Variants in DNAJC15 observed in about 807,000 individuals in gnomAD.
The protein encoded by DNAJC15 is DnaJ heat shock protein family (Hsp40) member C15.
Under a neutral mutation model 22.4 loss-of-function variants are expected in DNAJC15, and 27 were observed. The ratio of observed to expected loss-of-function variants is 1.20; its 90% CI spans 0.89 to 1.66. DNAJC15 has a LOEUF of 1.66. Ranked by LOEUF, DNAJC15 falls within the 40% of genes most tolerant of loss-of-function variation. The pLI, the probability that DNAJC15 is intolerant of heterozygous loss-of-function variation, is 0.00. For missense variants in DNAJC15, 208 were observed against 187.1 expected, an observed-to-expected ratio of 1.11 and a Z score of -0.65; for synonymous variants, 79 against 63.2, an observed-to-expected ratio of 1.25 and a Z score of -1.19.
chr13:43,027,813 C>T (rs545168164), intron 1 of DNAJC15, among the ~76,000 whole-genome samples: 128 of 152,206 alleles, frequency 8.4e-4, no homozygotes, highest in Middle Eastern at 3.4e-3. Flanking sequence ...CCTGCCACCA[C>T]GCCCAGCTAA....
intron 4 of DNAJC15, among the ~76,000 whole-genome samples, 187 bp from the exon 5 acceptor site, chr13:43,085,581 C>T (rs1241957331): frequency 6.6e-6 from 1 of 152,120 alleles, no homozygotes; most frequent in African/African-American, 2.4e-5. Context: ...AAGAAAAACA[C>T]ATGTAACATT....
Position 43,044,631 on chromosome 13 carries a change from G to T in DNAJC15, c.108+20897G>T, listed in dbSNP as rs188875149. 2.5e-3 allele frequency among the ~76,000 whole-genome samples: 382 copies of T among 152,032 alleles called. 2 individuals carry two copies. The highest frequency in any genetic ancestry group is 0.02 in the Middle Eastern group (6 of 294). On this transcript the variant is annotated intron_variant, in intron 1 of 5. Coordinates refer to ENST00000379221, the MANE Select transcript of DNAJC15 (RefSeq NM_013238.3). The stretch of plus-strand genomic sequence containing the variant: ...AAAGACTTTATTTTCTTTGTCTTCC[G>T]AGAGACTTTTGGATATATTTACCTG...
intron 1 of DNAJC15, among the ~76,000 whole-genome samples, chr13:43,061,349 A>G (rs1456902896): frequency 6.6e-6 from 1 of 152,182 alleles, no homozygotes; most frequent in Non-Finnish European, 1.5e-5. Context: ...TTATCAGCAT[A>G]AGCATTGTCC....
intron 1 of DNAJC15, among the ~76,000 whole-genome samples, chr13:43,029,265 T>C (rs1420840803): frequency 1.3e-5 from 2 of 152,226 alleles, no homozygotes; most frequent in Non-Finnish European, 2.9e-5. Context: ...TAAATAAGTA[T>C]TTGTTGAATG....
At chr13:43,073,489 T>G (rs79092022) in intron 3 of DNAJC15, among the ~76,000 whole-genome samples, 1 of 32,986 alleles carries the variant, frequency 3.0e-5, no homozygotes, top group Non-Finnish European at 6.0e-5. Context: ...CCTGAGGGCA[T>G]GACAGGTACC....
intron 1 of DNAJC15, among the ~76,000 whole-genome samples, chr13:43,061,100 G>C (rs2040556813): frequency 1.3e-5 from 2 of 152,184 alleles, no homozygotes; most frequent in Non-Finnish European, 2.9e-5. Flanking sequence ...AAGGAAATGA[G>C]AGGTTCTAAG....
intron 1 of DNAJC15, among the ~76,000 whole-genome samples, chr13:43,024,413 G>T (rs1462567719): frequency 7.5e-6 from 1 of 133,038 alleles, no homozygotes; most frequent in African/African-American, 2.9e-5. Flanking sequence ...GCGCGATCTC[G>T]GCTCACTGCA....
In DNAJC15 at chr13:43,108,122, A is replaced by G. The variant is rs1184015827; in HGVS notation, c.*874A>G. ...GAATACTGTTAGATACAGATGATAT[A>G]TTTTAAAAGTTCAAAGGAAGAAAAG... On this transcript the variant is annotated 3_prime_UTR_variant, in exon 6 of 6. Transcript: ENST00000379221. 1 of 152,620 alleles carries G rather than the reference A, an allele frequency of 6.6e-6. No homozygotes were observed. Among genetic ancestry groups the G allele is most frequent in the Non-Finnish European group, 1.5e-5 (1 of 68,022 alleles). The allele number at this position is 152,620 out of a possible 1,614,324, so 9.5% of individuals were successfully genotyped here. A position where few individuals can be genotyped will look rare whatever the true frequency, so the allele number is the denominator to read the frequency against.
chr13:43,075,072 A>G (rs2040627155), intron 3 of DNAJC15, among the ~76,000 whole-genome samples: 1 of 152,158 alleles, frequency 6.6e-6, no homozygotes, highest in African/African-American at 2.4e-5. Context: ...GTATTTTAGT[A>G]GTGTGTAACA....
chr13:43,056,153 AT>A (rs1215248116), intron 1 of DNAJC15, among the ~76,000 whole-genome samples: 3,072 of 138,892 alleles, frequency 0.022, 27 homozygotes, highest in Non-Finnish European at 0.024. Context: ...TTGTTTTTTA[AT>A]TTTTTTTTTT....
At chr13:43,073,267 G>C (rs971259145) in intron 3 of DNAJC15, among the ~76,000 whole-genome samples, 2 of 152,212 alleles carry the variant, frequency 1.3e-5, no homozygotes, top group East Asian at 3.8e-4. Flanking sequence ...ATGTCTTTCA[G>C]AGCAAGGAGA....
chr13:43,074,398 G>A (rs1267020925), intron 3 of DNAJC15, among the ~76,000 whole-genome samples: 1 of 152,114 alleles, frequency 6.6e-6, no homozygotes, highest in African/African-American at 2.4e-5. Context: ...ATAATCATTT[G>A]TAAGGTCCAG....
chr13:43,063,222 C>T (rs902153760), intron 1 of DNAJC15, among the ~76,000 whole-genome samples: 86 of 152,208 alleles, frequency 5.7e-4, no homozygotes, highest in Non-Finnish European at 2.4e-4. Context: ...GTTGGCAAGG[C>T]TGGTCTTGAA....
At chr13:43,033,342 A>C (rs1393120710) in intron 1 of DNAJC15, among the ~76,000 whole-genome samples, 1 of 152,086 alleles carries the variant, frequency 6.6e-6, no homozygotes, top group Non-Finnish European at 1.5e-5. Flanking sequence ...AGTTGAGCCC[A>C]GGAGTTAAAG....
intron 5 of DNAJC15, among the ~76,000 whole-genome samples, chr13:43,096,575 C>T (rs1246505639): frequency 6.6e-6 from 1 of 152,054 alleles, no homozygotes; most frequent in African/African-American, 2.4e-5. Flanking sequence ...TTAATGTAAG[C>T]CAGATAATGC....
intron 1 of DNAJC15, among the ~76,000 whole-genome samples, chr13:43,036,752 G>A (rs1005653089): frequency 6.6e-6 from 1 of 152,270 alleles, no homozygotes; most frequent in African/African-American, 2.4e-5. Flanking sequence ...CCCCTTGGCT[G>A]GACCTCCCTC....
chr13:43,109,250 G>A lies in DNAJC15; in HGVS notation c.*2002G>A, dbSNP rs190750400. 2.4e-3 allele frequency: 361 copies of A among 152,180 alleles called. No individual in the cohort carries two copies. The highest frequency in any genetic ancestry group is 8.3e-3 in the African/African-American group (346 of 41,506). 9.4% of individuals were successfully genotyped at this position (152,180 alleles called of 1,614,324 possible). ...CTTGGTACCTTGTGAAGCAACTCTT[G>A]GTGTAACATACCTTATTTCTCATAC... is the stretch of plus-strand genomic sequence containing the variant. On this transcript the variant is annotated 3_prime_UTR_variant, in exon 6 of 6. Transcript: ENST00000379221.
intron 5 of DNAJC15, among the ~76,000 whole-genome samples, chr13:43,095,274 G>C (rs2040734187): frequency 6.6e-6 from 1 of 152,152 alleles, no homozygotes; most frequent in South Asian, 2.1e-4. Context: ...ACTGCTGCTT[G>C]ATTTGATACA....
intron 3 of DNAJC15, among the ~76,000 whole-genome samples, chr13:43,072,539 C>T (rs187255286): frequency 1.1e-3 from 163 of 150,762 alleles, no homozygotes; most frequent in Admixed American, 2.1e-3. Context: ...TTAGCAATGT[C>T]TATTCTGTTT....
Sources: gnomAD v4.1 joint callset for allele counts (sites outside exome capture counted in the v4.1 genomes callset) on GRCh38, gnomAD v4.1.1 for gene constraint, MANE v1.5 for transcripts, NCBI Gene and HGNC (gene_info 2026-07-23, HGNC 2026-07-21) for gene names.